PRKCB: variants seen among roughly 807,000 people sequenced by gnomAD.
PRKCB encodes the protein protein kinase C beta, also known as protein kinase C beta type.
Under a neutral mutation model 81.5 loss-of-function variants are expected in PRKCB, and 13 were observed. That is an observed-to-expected ratio of 0.16 (90% confidence interval 0.10 to 0.25). PRKCB has a LOEUF of 0.25. PRKCB is among the 10% of genes least tolerant of loss of function. The pLI is 1.00. For synonymous variants in PRKCB, 335 were observed against 321.4 expected, an observed-to-expected ratio of 1.04 and a Z score of -0.45; for missense variants, 509 against 875.7, an observed-to-expected ratio of 0.58 and a Z score of 5.29.
chr16:24,067,874 C>T (rs1006078779), intron 5 of PRKCB, among the ~76,000 whole-genome samples: 2 of 148,240 alleles, frequency 1.3e-5, no homozygotes, highest in East Asian at 2.0e-4. Context: ...GGCTGAGGCA[C>T]GAGAATCACT....
chr16:23,940,498 T>C (rs962389479), intron 2 of PRKCB, among the ~76,000 whole-genome samples: 3 of 151,902 alleles, frequency 2.0e-5, no homozygotes, highest in Non-Finnish European at 4.4e-5. Context: ...TGATGAAATA[T>C]AGTGTTAGGA....
intron 2 of PRKCB, among the ~76,000 whole-genome samples, chr16:23,983,862 C>A (rs868632139): frequency 2.0e-4 from 30 of 152,036 alleles, no homozygotes; most frequent in Non-Finnish European, 3.2e-4. Context: ...ATTACCGGGG[C>A]CTGCCACCAC....
At chr16:24,072,703 T>C (rs1319491500) in intron 5 of PRKCB, among the ~76,000 whole-genome samples, 4 of 152,082 alleles carry the variant, frequency 2.6e-5, no homozygotes. Context: ...TGCCTCAGCC[T>C]CCCAAGTAGC....
chr16:24,001,796 T>A (rs1011056071), intron 3 of PRKCB, among the ~76,000 whole-genome samples: 3 of 152,184 alleles, frequency 2.0e-5, no homozygotes, highest in Non-Finnish European at 2.9e-5. Context: ...CAATTTTTTT[T>A]AAATGAAAAT....
chr16:24,174,624 G>T lies in PRKCB; in HGVS notation c.1394+44G>T, dbSNP rs766743776. On this transcript the variant is annotated intron_variant, in intron 12 of 16. Coordinates refer to ENST00000643927, the MANE Select transcript of PRKCB (RefSeq NM_002738.7). ...ACTTTCCATCTCTTCATCTCCCTCAGCTCCTCCCTGCCCTGCCTCTTTCTT... is the reference window on the plus strand; with the variant it reads ...ACTTTCCATCTCTTCATCTCCCTCATCTCCTCCCTGCCCTGCCTCTTTCTT... 5.3e-6 allele frequency: 8 copies of T among 1,513,632 alleles called. No homozygotes were observed. In the Middle Eastern group the frequency reaches 1.0e-3, roughly 195 times the overall value. The allele number at this position is 1,513,632 out of a possible 1,614,324, so 93.8% of individuals were successfully genotyped here.
rs1597216408 is a variant in PRKCB at position 23,866,611 on chromosome 16, G to A, written c.205+29205G>A. On this transcript the variant is annotated intron_variant, in intron 2 of 16. Transcript: ENST00000643927. The stretch of plus-strand genomic sequence containing the variant: ...TGAACATTTAGATTCTTTTTTGGAG[G>A]GGTTGTGTCTATTACAAACAGCATG... 2.0e-5 allele frequency among the ~76,000 whole-genome samples: 3 copies of A among 152,174 alleles called. No individual in the cohort carries two copies. In the South Asian group the frequency reaches 6.2e-4, roughly 32 times the overall value.
intron 2 of PRKCB, among the ~76,000 whole-genome samples, chr16:23,882,933 T>A (rs535750702): frequency 6.6e-6 from 1 of 152,190 alleles, no homozygotes; most frequent in South Asian, 2.1e-4. Context: ...TGAAGTGGAA[T>A]TGCTGATGGT....
At chr16:24,185,053 G>C in intron 13 of PRKCB, 58 bp from the exon 14 acceptor site, 1 of 1,389,992 alleles carries the variant, frequency 7.2e-7, no homozygotes, top group Middle Eastern at 1.8e-4. Flanking sequence ...AGTGAAATCT[G>C]TCTCCAGAAG....
At chr16:24,033,827 A>G (rs1965579975) in intron 4 of PRKCB, among the ~76,000 whole-genome samples, 1 of 152,138 alleles carries the variant, frequency 6.6e-6, no homozygotes, top group African/African-American at 2.4e-5. Context: ...ACACAGGCTC[A>G]TGCAGAGGTA....
At chr16:24,000,180 A>C (rs190672722) in intron 3 of PRKCB, among the ~76,000 whole-genome samples, 1 of 152,230 alleles carries the variant, frequency 6.6e-6, no homozygotes, top group Non-Finnish European at 1.5e-5. Context: ...TGGTTAATCT[A>C]TTGCAGATCC....
chr16:23,949,351 C>T (rs1964246362), intron 2 of PRKCB, among the ~76,000 whole-genome samples: 1 of 152,162 alleles, frequency 6.6e-6, no homozygotes, highest in Non-Finnish European at 1.5e-5. Context: ...AACACGAGCC[C>T]AGTCACCTAG....
At chr16:24,008,552 C>T (rs906106442) in intron 3 of PRKCB, among the ~76,000 whole-genome samples, 1 of 152,136 alleles carries the variant, frequency 6.6e-6, no homozygotes, top group African/African-American at 2.4e-5. Context: ...GTGAATTTTT[C>T]TTTGTAAGCA....
intron 2 of PRKCB, among the ~76,000 whole-genome samples, chr16:23,982,156 C>T (rs1216087859): frequency 3.8e-5 from 2 of 52,908 alleles, no homozygotes; most frequent in Non-Finnish European, 7.8e-5. Flanking sequence ...TTTCCCTTCC[C>T]CTTCCCTTTC....
intron 9 of PRKCB, among the ~76,000 whole-genome samples, chr16:24,143,395 G>A (rs994469675): frequency 1.3e-5 from 2 of 152,012 alleles, no homozygotes; most frequent in Non-Finnish European, 2.9e-5. Context: ...GGCCTCCAAG[G>A]TGCTGGGACT....
chr16:24,026,199 G>A (rs569954431), intron 3 of PRKCB, among the ~76,000 whole-genome samples: 1 of 152,312 alleles, frequency 6.6e-6, no homozygotes, highest in South Asian at 2.1e-4. Flanking sequence ...GGAGGCTGAG[G>A]TGGAAGGGTC....
At position 24,220,101 on chromosome 16, in the gene PRKCB, C is replaced by A. The variant is rs1968299762; in HGVS notation, c.*5285C>A. 2 of 1,614,068 alleles carry A rather than the reference C, an allele frequency of 1.2e-6. No homozygotes were observed. Among genetic ancestry groups the A allele is most frequent in the South Asian group, 1.1e-5 (1 of 91,070 alleles). Reference sequence around the variant, plus strand: ...TCTCTTATACTAACCCAGAGTTTGTCATTAATGTGTAGGTGAATGCAAACT... The same window carrying A: ...TCTCTTATACTAACCCAGAGTTTGTAATTAATGTGTAGGTGAATGCAAACT... On this transcript the variant is annotated 3_prime_UTR_variant, in exon 17 of 17. Transcript: ENST00000643927.
intron 5 of PRKCB, 40 bp from the exon 6 acceptor site, chr16:24,092,751 T>C (rs1174689922): frequency 1.3e-6 from 2 of 1,586,492 alleles, no homozygotes; most frequent in East Asian, 2.2e-5. Flanking sequence ...CTTAAACATG[T>C]TGGACAGTAT....
In PRKCB at chr16:23,895,041, C is replaced by T. The variant is rs146828703; in HGVS notation, c.205+57635C>T. On this transcript the variant is annotated intron_variant, in intron 2 of 16. Transcript: ENST00000643927. ...GATTTACCATACCCCCAAAGCAAAA[C>T]AATTTCTGGGCCTGGTGCCTTTTCC... Among the ~76,000 whole-genome samples the T allele has an allele frequency of 1.9e-3, 293 of 152,200 alleles. 1 individual carries two copies. The highest frequency in any genetic ancestry group is 6.6e-3 in the African/African-American group (276 of 41,540).
At chr16:24,203,700 T>G (rs1344914564) in intron 16 of PRKCB, among the ~76,000 whole-genome samples, 2 of 152,208 alleles carry the variant, frequency 1.3e-5, no homozygotes, top group East Asian at 3.9e-4. Context: ...TTACTTTTTG[T>G]TTTGTTACAA....
Sources: gnomAD v4.1 joint callset for allele counts (sites outside exome capture counted in the v4.1 genomes callset) on GRCh38, gnomAD v4.1.1 for gene constraint, MANE v1.5 for transcripts, NCBI Gene and HGNC (gene_info 2026-07-23, HGNC 2026-07-21) for gene names.